Variants in DENR observed in about 807,000 individuals in gnomAD.
The protein encoded by DENR is density regulated re-initiation and release factor, also known as density-regulated protein.
A neutral mutation model predicts 30.6 loss-of-function variants in DENR; 6 were observed. The ratio of observed to expected loss-of-function variants is 0.20; its 90% CI spans 0.11 to 0.39. The LOEUF is 0.39. DENR is among the 10% of genes least tolerant of loss of function. The probability of loss-of-function intolerance (pLI) is 1.00; values close to 1 mark genes in which losing one functional copy is unlikely to be tolerated. For synonymous variants in DENR, 78 were observed against 72.1 expected (o/e 1.08, Z -0.41); for missense variants, 141 against 230.9 (o/e 0.61, Z 2.52).
rs772128273 is a variant in DENR, at chr12:122,762,142, A to G, written c.107-45A>G. On this transcript the variant is annotated intron_variant, in intron 2 of 7. Coordinates refer to ENST00000280557, the MANE Select transcript of DENR (RefSeq NM_003677.5). ...GGATAAGCCCTGTGTATGTGTGTACATATAGGTTTAACATTTCAAATCTTT... is the reference window on the plus strand; with the variant it reads ...GGATAAGCCCTGTGTATGTGTGTACGTATAGGTTTAACATTTCAAATCTTT... The G allele has an allele frequency of 6.9e-6, 9 of 1,302,284 alleles. No individual in the cohort carries two copies. In the East Asian group the frequency reaches 1.8e-4, roughly 26 times the overall value. The allele number at this position is 1,302,284 out of a possible 1,614,324, so 80.7% of individuals were successfully genotyped here.
At chr12:122,759,740 A>T (rs1455180166) in intron 2 of DENR, among the ~76,000 whole-genome samples, 1 of 152,084 alleles carries the variant, frequency 6.6e-6, no homozygotes, top group Non-Finnish European at 1.5e-5. Flanking sequence ...TCTGAACTAA[A>T]TATTATTTGA....
intron 2 of DENR, among the ~76,000 whole-genome samples, chr12:122,761,661 A>G (rs138353149): frequency 1.7e-3 from 266 of 152,242 alleles, no homozygotes; most frequent in African/African-American, 6.2e-3. Flanking sequence ...CTCTACAAAA[A>G]ATTAGCTGGG....
In DENR at chr12:122,769,319, C is replaced by CATATATACACATATATGTATGCAT. The variant is rs1566061687; in HGVS notation, c.*248_*249insCACATATATGTATGCATATATATA. On this transcript the variant is annotated 3_prime_UTR_variant, in exon 8 of 8. Transcript: ENST00000280557. ...GTATACATATATACACATATGTATACATATATATATATTCTACAGTAAAAC... is the reference window on the plus strand; with the variant it reads ...GTATACATATATACACATATGTATACATATATACACATATATGTATGCATATATATATATATTCTACAGTAAAAC... The CATATATACACATATATGTATGCAT allele has an allele frequency of 1.1e-6, 1 of 893,422 alleles. No homozygotes were observed. The highest frequency in any genetic ancestry group is 2.1e-5 in the African/African-American group (1 of 48,716). The allele number at this position is 893,422 out of a possible 1,614,324, so 55.3% of individuals were successfully genotyped here. A position where few individuals can be genotyped will look rare whatever the true frequency, so the allele number is the denominator to read the frequency against.
chr12:122,770,510 C>A lies in DENR; in HGVS notation c.*1432C>A. ...ATTATGTGAGTAAAATTGTGCTAACCAGTTAAAAGTACTGTACACCCATGC... is the reference window on the plus strand; with the variant it reads ...ATTATGTGAGTAAAATTGTGCTAACAAGTTAAAAGTACTGTACACCCATGC... On this transcript the variant is annotated 3_prime_UTR_variant, in exon 8 of 8. Coordinates refer to ENST00000280557, the MANE Select transcript of DENR (RefSeq NM_003677.5). 2.5e-6 allele frequency: 1 copy of A among 397,282 alleles called. No individual in the cohort carries two copies. The highest frequency in any genetic ancestry group is 1.4e-4 in the South Asian group (1 of 7,240). 24.6% of individuals were successfully genotyped at this position (397,282 alleles called of 1,614,324 possible).
chr12:122,766,111 C>T (rs918515786), intron 5 of DENR, among the ~76,000 whole-genome samples: 1 of 152,024 alleles, frequency 6.6e-6, no homozygotes, highest in Non-Finnish European at 1.5e-5. Flanking sequence ...CTCTCCTTCC[C>T]TTAGCCAGAT....
At chr12:122,767,430 G>A (rs994589364) in intron 5 of DENR, 58 bp from the exon 6 acceptor site, 63 of 1,060,102 alleles carry the variant, frequency 5.9e-5, no homozygotes, top group Middle Eastern at 2.6e-4. Context: ...TAAATTTAAA[G>A]ACAGTATTCT....
intron 2 of DENR, among the ~76,000 whole-genome samples, chr12:122,757,633 T>C (rs977103611): frequency 6.6e-6 from 1 of 152,174 alleles, no homozygotes. Context: ...TCAAGGAAAC[T>C]TAGCAGAGTC....
intron 4 of DENR, 194 bp downstream of exon 4, chr12:122,763,123 C>T (rs1037396053): frequency 4.2e-5 from 20 of 478,918 alleles, no homozygotes; most frequent in South Asian, 3.7e-4. Flanking sequence ...GTAAATGGGC[C>T]GGGCGCAGTG....
In DENR at chr12:122,769,497, T is replaced by C. The variant is rs1322198495; in HGVS notation, c.*419T>C. The C allele has an allele frequency of 3.2e-5, 31 of 967,180 alleles. No individual in the cohort carries two copies. The highest frequency in any genetic ancestry group is 3.8e-5 in the Non-Finnish European group (31 of 819,166). 59.9% of individuals were successfully genotyped at this position (967,180 alleles called of 1,614,324 possible). A position where few individuals can be genotyped will look rare whatever the true frequency, so the allele number is the denominator to read the frequency against. On this transcript the variant is annotated 3_prime_UTR_variant, in exon 8 of 8. Coordinates refer to ENST00000280557, the MANE Select transcript of DENR (RefSeq NM_003677.5). The stretch of plus-strand genomic sequence containing the variant: ...TTTTGGTCATTTGGTACTGACTTTC[T>C]CTCTCTCTCTCTCTCTCTTTTTTTT...
intron 2 of DENR, among the ~76,000 whole-genome samples, chr12:122,755,222 G>A (rs1878515947): frequency 6.6e-6 from 1 of 152,198 alleles, no homozygotes; most frequent in Non-Finnish European, 1.5e-5. Flanking sequence ...TTGGTGAGAA[G>A]TTTGGAAGCT....
chr12:122,768,198 TAAAAA>T (rs1566061160), intron 6 of DENR: 1 of 152,566 alleles, frequency 6.6e-6, no homozygotes, highest in South Asian at 2.1e-4. Flanking sequence ...TGACTAGCCT[TAAAAA>T]AGAAAAAAGA....
Position 122,770,897 on chromosome 12 carries a change from T to C in DENR, c.*1819T>C, listed in dbSNP as rs1879020063. 1 of 394,844 alleles carries C rather than the reference T, an allele frequency of 2.5e-6. No homozygotes were observed. Among genetic ancestry groups the C allele is most frequent in the Non-Finnish European group, 4.5e-6 (1 of 224,440 alleles). 24.5% of individuals were successfully genotyped at this position (394,844 alleles called of 1,614,324 possible). A position where few individuals can be genotyped will look rare whatever the true frequency, so the allele number is the denominator to read the frequency against. ...GAGACTATCTGGTATGCGTTATGTA[T>C]GTAGTCTGTTGCTGCTGAAAGATGT... On this transcript the variant is annotated 3_prime_UTR_variant, in exon 8 of 8. Transcript: ENST00000280557.
At chr12:122,764,402 A>T (rs930187317) in intron 4 of DENR, among the ~76,000 whole-genome samples, 1 of 152,140 alleles carries the variant, frequency 6.6e-6, no homozygotes, top group Non-Finnish European at 1.5e-5. Context: ...GATCGAGACC[A>T]TCCTGGCTAA....
chr12:122,753,638 C>G, intron 1 of DENR, 55 bp from the exon 2 acceptor site: 3 of 1,390,890 alleles, frequency 2.2e-6, no homozygotes, highest in Non-Finnish European at 3.0e-6. Context: ...GAACACTGCT[C>G]TTCTGGGGTC....
chr12:122,760,306 A>G (rs1449242290), intron 2 of DENR, among the ~76,000 whole-genome samples: 1 of 152,238 alleles, frequency 6.6e-6, no homozygotes, highest in Non-Finnish European at 1.5e-5. Context: ...TATAAGGCAT[A>G]GCAAAACATT....
Position 122,770,661 on chromosome 12 carries a change from T to C in DENR, c.*1583T>C. 1 of 398,558 alleles carries C rather than the reference T, an allele frequency of 2.5e-6. No homozygotes were observed. The highest frequency in any genetic ancestry group is 4.4e-6 in the Non-Finnish European group (1 of 226,042). The allele number at this position is 398,558 out of a possible 1,614,324, so 24.7% of individuals were successfully genotyped here. A position where few individuals can be genotyped will look rare whatever the true frequency, so the allele number is the denominator to read the frequency against. On this transcript the variant is annotated 3_prime_UTR_variant, in exon 8 of 8. Transcript: ENST00000280557. ...TGCTGCAAATTGGAAAGAAGACTTG[T>C]GGTGTTTTAAGTTGCTGTGGACACT...
intron 2 of DENR, among the ~76,000 whole-genome samples, chr12:122,759,003 C>T (rs1338995114): frequency 6.6e-6 from 1 of 151,934 alleles, no homozygotes; most frequent in Non-Finnish European, 1.5e-5. Flanking sequence ...CGCCACCACA[C>T]CCGGCTAATT....
rs1052384925 is a variant in DENR at position 122,753,646 on chromosome 12, G to A, written c.-9-47G>A. On this transcript the variant is annotated intron_variant, in intron 1 of 7. Coordinates refer to ENST00000280557, the MANE Select transcript of DENR (RefSeq NM_003677.5). ...TTGAGAGGAACACTGCTCTTCTGGG[G>A]TCTTGATTCTAAAATAGTGAGGGTG... 9.0e-6 allele frequency: 13 copies of A among 1,444,014 alleles called. No homozygotes were observed. In the Admixed American group the frequency reaches 1.8e-4, roughly 20 times the overall value. The allele number at this position is 1,444,014 out of a possible 1,614,324, so 89.5% of individuals were successfully genotyped here. A position where few individuals can be genotyped will look rare whatever the true frequency, so the allele number is the denominator to read the frequency against.
At chr12:122,760,737 A>G (rs895287018) in intron 2 of DENR, among the ~76,000 whole-genome samples, 1 of 152,126 alleles carries the variant, frequency 6.6e-6, no homozygotes, top group Non-Finnish European at 1.5e-5. Context: ...TCTCAAAAAT[A>G]AATAAATAAA....
Sources: gnomAD v4.1 joint callset for allele counts (sites outside exome capture counted in the v4.1 genomes callset) on GRCh38, gnomAD v4.1.1 for gene constraint, MANE v1.5 for transcripts, NCBI Gene and HGNC (gene_info 2026-07-23, HGNC 2026-07-21) for gene names.